BCKDHB: variants seen among roughly 807,000 people sequenced by gnomAD.
BCKDHB encodes 2-oxoisovalerate dehydrogenase subunit beta, mitochondrial.
A neutral mutation model predicts 48.5 loss-of-function variants in BCKDHB; 41 were observed. That is an observed-to-expected ratio of 0.85 (90% confidence interval 0.66 to 1.10). The LOEUF (loss-of-function observed/expected upper bound fraction) is 1.10. Ranked by LOEUF, BCKDHB falls within the 50% of genes least tolerant of loss-of-function variation. The pLI is 0.00. For missense variants in BCKDHB, 496 were observed against 494.2 expected (o/e 1.00, Z -0.03); for synonymous variants, 201 against 174.8 (o/e 1.15, Z -1.18).
chr6:80,399,103 C>T, the BCKDHB span, among the ~76,000 whole-genome samples: 9,622 of 152,086 alleles, frequency 0.063, 450 homozygotes, highest in South Asian at 0.19. Context: ...AAGGAACATA[C>T]CTGAAAATAA....
chr6:80,404,336 C>T, the BCKDHB span, among the ~76,000 whole-genome samples: 2 of 151,882 alleles, frequency 1.3e-5, no homozygotes, highest in African/African-American at 4.8e-5. Context: ...TGATCCATCT[C>T]TTCTAGATTA....
chr6:80,318,521 C>G (rs573380027), intron 9 of BCKDHB, among the ~76,000 whole-genome samples: 1 of 151,944 alleles, frequency 6.6e-6, no homozygotes, highest in East Asian at 1.9e-4. Flanking sequence ...ACCCCATCTA[C>G]TAAAAATATA....
At chr6:80,299,468 C>A (rs1461438641) in intron 9 of BCKDHB, among the ~76,000 whole-genome samples, 2 of 152,072 alleles carry the variant, frequency 1.3e-5, no homozygotes, top group Non-Finnish European at 2.9e-5. Flanking sequence ...GAAGGGGGTC[C>A]CAATCCAGAC....
At chr6:80,412,146 A>ATT in the BCKDHB span, among the ~76,000 whole-genome samples, 35,514 of 137,098 alleles carry the variant, frequency 0.26, 5,633 homozygotes, top group East Asian at 0.54. Context: ...CACAGTTTAC[A>ATT]TTTTTTTTTT....
chr6:80,439,497 G>A, the BCKDHB span, among the ~76,000 whole-genome samples: 1 of 152,098 alleles, frequency 6.6e-6, no homozygotes, highest in Non-Finnish European at 1.5e-5. Context: ...AAGTAAGTAA[G>A]CATTTCTTCT....
rs115193283 is a variant in BCKDHB, at chr6:80,283,296, T to G, written c.1038+10075T>G. Among the ~76,000 whole-genome samples, 930 of 152,240 alleles carry G rather than the reference T, an allele frequency of 6.1e-3. 10 individuals carry two copies. Among genetic ancestry groups the G allele is most frequent in the African/African-American group, 0.022 (894 of 41,556 alleles). On this transcript the variant is annotated intron_variant, in intron 9 of 9. Transcript: ENST00000320393. ...TTCCATCCCTCTTTTTGGTATTGAA[T>G]TTATCATGAATTGTCATCATTCTTT...
At chr6:80,195,505 A>G (rs1030968139) in intron 6 of BCKDHB, among the ~76,000 whole-genome samples, 4 of 152,206 alleles carry the variant, frequency 2.6e-5, no homozygotes, top group African/African-American at 7.2e-5. Context: ...TAGAAATCCA[A>G]TATTAGTTTA....
intron 8 of BCKDHB, among the ~76,000 whole-genome samples, chr6:80,260,653 C>G (rs1052514599): frequency 6.6e-6 from 1 of 152,222 alleles, no homozygotes; most frequent in African/African-American, 2.4e-5. Flanking sequence ...TTGACTAGTT[C>G]ATTGTTTTTC....
rs1772732715 is a variant in BCKDHB at position 80,168,861 on chromosome 6, T to C, written c.478-14T>C. 1.2e-6 allele frequency: 2 copies of C among 1,613,884 alleles called. No individual in the cohort carries two copies. The highest frequency in any genetic ancestry group is 1.7e-6 in the Non-Finnish European group (2 of 1,179,952). On this transcript the variant is annotated splice_polypyrimidine_tract_variant and intron_variant, in intron 4 of 9. Coordinates refer to ENST00000320393, the MANE Select transcript of BCKDHB (RefSeq NM_183050.4). ...CTCATTGTGCCATGCCCCGTCTTTC[T>C]TTCTGACCCTCAGATTGTTAATGAA...
intron 8 of BCKDHB, among the ~76,000 whole-genome samples, chr6:80,222,302 A>G (rs919536116): frequency 6.6e-6 from 1 of 152,216 alleles, no homozygotes; most frequent in Non-Finnish European, 1.5e-5. Flanking sequence ...GTTGGGCAAC[A>G]TGATTAATGT....
chr6:80,411,184 T>A, the BCKDHB span, among the ~76,000 whole-genome samples: 1 of 152,208 alleles, frequency 6.6e-6, no homozygotes, highest in Non-Finnish European at 1.5e-5. Flanking sequence ...TTTGTTAGTT[T>A]TCCTTCTAAC....
At chr6:80,323,528 A>C (rs1412797727) in intron 9 of BCKDHB, among the ~76,000 whole-genome samples, 1 of 152,188 alleles carries the variant, frequency 6.6e-6, no homozygotes, top group Non-Finnish European at 1.5e-5. Context: ...TAGCGTATAG[A>C]CCAATTCAAA....
At chr6:80,142,435 G>A (rs1459887041) in intron 3 of BCKDHB, among the ~76,000 whole-genome samples, 1 of 152,020 alleles carries the variant, frequency 6.6e-6, no homozygotes, top group Non-Finnish European at 1.5e-5. Context: ...TAAAGGTAGA[G>A]TAGAACATAG....
At chr6:80,211,817 T>A (rs1208010997) in intron 8 of BCKDHB, among the ~76,000 whole-genome samples, 1 of 152,168 alleles carries the variant, frequency 6.6e-6, no homozygotes, top group African/African-American at 2.4e-5. Context: ...CTTTTACAGC[T>A]GGGCCACCGG....
chr6:80,153,881 C>T (rs979706570), intron 3 of BCKDHB, among the ~76,000 whole-genome samples: 1 of 152,158 alleles, frequency 6.6e-6, no homozygotes, highest in Non-Finnish European at 1.5e-5. Flanking sequence ...ATGCCAGAGC[C>T]CATGCTTTTA....
chr6:80,275,332 T>C (rs1048493102), intron 9 of BCKDHB, among the ~76,000 whole-genome samples: 1 of 152,100 alleles, frequency 6.6e-6, no homozygotes, highest in Non-Finnish European at 1.5e-5. Flanking sequence ...ATCCCCTGCC[T>C]TCCACGAGGA....
In BCKDHB at chr6:80,221,452, A is replaced by G. The variant is rs142298806; in HGVS notation, c.951+18240A>G. On this transcript the variant is annotated intron_variant, in intron 8 of 9. Transcript: ENST00000320393. ...AAAGTTTTCTCTATTGCATTTTCTTATTTTTTAATAGGCAGCATAATTTGT... is the reference window on the plus strand; with the variant it reads ...AAAGTTTTCTCTATTGCATTTTCTTGTTTTTTAATAGGCAGCATAATTTGT... 2.0e-3 allele frequency among the ~76,000 whole-genome samples: 310 copies of G among 152,116 alleles called. 1 individual carries two copies. Among genetic ancestry groups the G allele is most frequent in the African/African-American group, 6.8e-3 (281 of 41,508 alleles).
intron 9 of BCKDHB, chr6:80,307,427 C>T: frequency 3.0e-6 from 3 of 984,934 alleles, no homozygotes; most frequent in Non-Finnish European, 3.6e-6. Context: ...TCCACCTGCC[C>T]CCTCTGTCAA....
the BCKDHB span, among the ~76,000 whole-genome samples, chr6:80,353,961 A>G: frequency 6.6e-6 from 1 of 152,244 alleles, no homozygotes; most frequent in Non-Finnish European, 1.5e-5. Context: ...GAATTTTCAT[A>G]CACCTGTAGG....
Sources: allele counts gnomAD v4.1 joint callset (sites outside exome capture counted in the v4.1 genomes callset), GRCh38; gene constraint gnomAD v4.1.1; transcripts MANE v1.5; gene names NCBI Gene and HGNC (gene_info 2026-07-23, HGNC 2026-07-21).